DNAH1: variants seen among roughly 807,000 people sequenced by gnomAD.
The protein encoded by DNAH1 is dynein axonemal heavy chain 1, also known as axonemal beta dynein heavy chain 1.
DNAH1 carries 327 observed loss-of-function variants against 484.3 expected under a neutral mutation model. The ratio of observed to expected loss-of-function variants is 0.68; its 90% CI spans 0.62 to 0.74. The LOEUF (loss-of-function observed/expected upper bound fraction) is 0.74, where lower values mean the gene tolerates loss of function less well. Ranked by LOEUF, DNAH1 falls within the 30% of genes least tolerant of loss-of-function variation. The pLI is 0.00. For missense variants in DNAH1, 5,052 were observed against 5,546.8 expected, an observed-to-expected ratio of 0.91 and a Z score of 2.83; for synonymous variants, 2,192 against 2,191.9, an observed-to-expected ratio of 1.00 and a Z score of 0.00.
intron 8 of DNAH1, among the ~76,000 whole-genome samples, chr3:52,334,088 A>G (rs1331097536): frequency 2.0e-5 from 3 of 152,172 alleles, no homozygotes; most frequent in Non-Finnish European, 4.4e-5. Flanking sequence ...TCATTGTGCA[A>G]ACATCATAGT....
At chr3:52,350,469 T>C (rs753406839) in intron 15 of DNAH1, 39 bp from the exon 16 acceptor site, 16 of 1,597,242 alleles carry the variant, frequency 1.0e-5, no homozygotes, top group Non-Finnish European at 1.2e-5. Flanking sequence ...ACCACCTCCC[T>C]GGCACACGTG....
At position 52,396,920 on chromosome 3, in the gene DNAH1, A is replaced by G. The variant is rs373339638; in HGVS notation, c.11663A>G (p.Asp3888Gly). The G allele has an allele frequency of 6.2e-7, 1 of 1,604,786 alleles. No homozygotes were observed. Among genetic ancestry groups the G allele is most frequent in the South Asian group, 1.1e-5 (1 of 90,882 alleles). The change falls in exon 73 of 78, where the codon GAC becomes GGC. Residue 3888 changes from aspartate to glycine, a missense_variant. Coordinates refer to ENST00000420323, the MANE Select transcript of DNAH1 (RefSeq NM_015512.5). ...AATTACGGGGGCCGTGTCACTGATGACTGGGACCGGCGCTGCATCATGAAC... is the reference window on the plus strand; with the variant it reads ...AATTACGGGGGCCGTGTCACTGATGGCTGGGACCGGCGCTGCATCATGAAC... ...EINYGGRVTDDWDRRCIMNIL... is the reference protein window; with the variant it reads ...EINYGGRVTDGWDRRCIMNIL...
At position 52,326,750 on chromosome 3, in the gene DNAH1, C is replaced by T. The variant is rs1369016979; in HGVS notation, c.597C>T (p.Tyr199=). The stretch of plus-strand genomic sequence containing the variant: ...CCTTGACCAGGAGGAAACAGCAGTA[C>T]CTGAGCCTGGACATTGAGCAGTTGC... ...KIEIERRKQQ[Y]LSLDIEQLLF... Residue 199 remains tyrosine, a synonymous_variant, in exon 5 of 78, where the codon TAC becomes TAT. Coordinates refer to ENST00000420323, the MANE Select transcript of DNAH1 (RefSeq NM_015512.5). The T allele has an allele frequency of 6.2e-7, 1 of 1,613,396 alleles. No individual in the cohort carries two copies. The highest frequency in any genetic ancestry group is 8.5e-7 in the Non-Finnish European group (1 of 1,179,520).
At position 52,388,645 on chromosome 3, in the gene DNAH1, C is replaced by G. The variant is rs998008156; in HGVS notation, c.9363+36C>G. ...TCCTCCTGCAAGGCCTGCAAGCGGG[C>G]CCGGCCCAGACAGGGGCCAGAAAGG... On this transcript the variant is annotated intron_variant, in intron 58 of 77. Coordinates refer to ENST00000420323, the MANE Select transcript of DNAH1 (RefSeq NM_015512.5). The G allele has an allele frequency of 1.9e-6, 3 of 1,611,362 alleles. No homozygotes were observed. In the African/African-American group the frequency reaches 4.0e-5, roughly 22 times the overall value.
At chr3:52,399,507 T>C (rs752637938) in intron 76 of DNAH1, 38 bp from the exon 77 acceptor site, 2 of 1,535,048 alleles carry the variant, frequency 1.3e-6, no homozygotes, top group Non-Finnish European at 1.8e-6. Context: ...ATTCTGGGTA[T>C]TGTTATGTGT....
chr3:52,322,354 T>G, intron 1 of DNAH1, 55 bp from the exon 2 acceptor site: 2 of 1,283,944 alleles, frequency 1.6e-6, no homozygotes, highest in Non-Finnish European at 2.1e-6. Flanking sequence ...TCCATGTGTC[T>G]CGGGGCTAAG....
Position 52,399,536 on chromosome 3 carries a change from T to A in DNAH1, c.12442-9T>A. On this transcript the variant is annotated splice_polypyrimidine_tract_variant and intron_variant, in intron 76 of 77. Coordinates refer to ENST00000420323, the MANE Select transcript of DNAH1 (RefSeq NM_015512.5). ...TATGTGTGTGGGGTGTGTCTGTGTC[T>A]ACCCACAGGTGATGTTTGAGGCACC... 1 of 1,598,860 alleles carries A rather than the reference T, an allele frequency of 6.3e-7. No homozygotes were observed. Among genetic ancestry groups the A allele is most frequent in the Non-Finnish European group, 8.6e-7 (1 of 1,169,346 alleles).
In DNAH1 at chr3:52,362,529, A is replaced by C; in HGVS notation, c.5094+28A>C. ...AAGTGCAGGCCCAGAGTGGCCCAGG[A>C]AGCACCAGAGCTCTAGCCTGAGTTC... is the stretch of plus-strand genomic sequence containing the variant. On this transcript the variant is annotated intron_variant, in intron 31 of 77. Transcript: ENST00000420323. The surrounding 1 kb of genome is among the most constrained non-coding windows in gnomAD (Gnocchi z 5.1). 2 of 1,593,742 alleles carry C rather than the reference A, an allele frequency of 1.3e-6. No individual in the cohort carries two copies. Among genetic ancestry groups the C allele is most frequent in the Non-Finnish European group, 1.7e-6 (2 of 1,166,386 alleles).
chr3:52,395,489 G>C lies in DNAH1; in HGVS notation c.11127+23G>C, dbSNP rs1189839896. ...CAGGTCAGGGCTAGGCAGGGAGGAA[G>C]GGAGTGGGCTGGGGGGTGGGCAAGC... On this transcript the variant is annotated intron_variant, in intron 69 of 77. Transcript: ENST00000420323. The surrounding 1 kb of genome is among the most constrained non-coding windows in gnomAD (Gnocchi z 4.4). 1 of 1,613,726 alleles carries C rather than the reference G, an allele frequency of 6.2e-7. No homozygotes were observed. The highest frequency in any genetic ancestry group is 8.5e-7 in the Non-Finnish European group (1 of 1,179,814).
intron 64 of DNAH1, 31 bp from the exon 65 acceptor site, chr3:52,392,799 T>TGGGGGG: frequency 7.8e-7 from 1 of 1,274,376 alleles, no homozygotes; most frequent in Non-Finnish European, 1.1e-6. Flanking sequence ...TTCTGCTCTT[T>TGGGGGG]GACCCCTCCC....
intron 73 of DNAH1, 126 bp from the exon 74 acceptor site, chr3:52,397,581 T>G: frequency 1.1e-6 from 1 of 887,976 alleles, no homozygotes; most frequent in Non-Finnish European, 1.7e-6. Context: ...GGGACATGCA[T>G]AAGGGTTATG....
At position 52,383,615 on chromosome 3, in the gene DNAH1, G is replaced by C. The variant is rs373926760; in HGVS notation, c.8150+21G>C. Reference sequence around the variant, plus strand: ...ATGAGGTACAGGCAGCTGTCGCCAGGCTGCGCTGGGGCAGCGGAGCTGGGT... The same window carrying C: ...ATGAGGTACAGGCAGCTGTCGCCAGCCTGCGCTGGGGCAGCGGAGCTGGGT... On this transcript the variant is annotated intron_variant, in intron 51 of 77. Coordinates refer to ENST00000420323, the MANE Select transcript of DNAH1 (RefSeq NM_015512.5). The C allele has an allele frequency of 5.8e-6, 9 of 1,544,872 alleles. No homozygotes were observed. In the South Asian group the frequency reaches 1.1e-4, roughly 18 times the overall value.
chr3:52,355,047 C>G lies in DNAH1; in HGVS notation c.3685C>G (p.Leu1229Val), dbSNP rs767978013. ...CAACTCCTGGGAGAACAAACTGAAG[C>G]TGACCCAGGTCGGCCCTCCCCCCAG... is the stretch of plus-strand genomic sequence containing the variant. ...RINSWENKLK[L>V]TQEVLEEWLN... The change falls in exon 21 of 78, where the codon CTG becomes GTG. Residue 1229 changes from leucine to valine, a missense_variant. Around this residue, in one of 4 missense-constraint regions of DNAH1, gnomAD observed 2,929 missense variants for 3,409.4 expected, o/e 0.86. Coordinates refer to ENST00000420323, the MANE Select transcript of DNAH1 (RefSeq NM_015512.5). The surrounding 1 kb of genome is among the most constrained non-coding windows in gnomAD (Gnocchi z 4.5). The G allele has an allele frequency of 6.2e-7, 1 of 1,613,532 alleles. No homozygotes were observed. Among genetic ancestry groups the G allele is most frequent in the South Asian group, 1.1e-5 (1 of 91,080 alleles).
intron 48 of DNAH1, among the ~76,000 whole-genome samples, chr3:52,380,715 A>C (rs1341484498): frequency 6.6e-6 from 1 of 152,176 alleles, no homozygotes; most frequent in African/African-American, 2.4e-5. Context: ...GGAACAGGGT[A>C]TGCTGTGGCA....
chr3:52,351,916 C>T (rs1440463210), intron 16 of DNAH1, 46 bp from the exon 17 acceptor site: 7 of 1,577,884 alleles, frequency 4.4e-6, no homozygotes, highest in East Asian at 2.3e-5. Context: ...CACTCCACCA[C>T]TTCAGCCGCG....
At chr3:52,383,716 T>C (rs890885210) in intron 51 of DNAH1, 122 bp downstream of exon 51, 10 of 1,401,888 alleles carry the variant, frequency 7.1e-6, no homozygotes, top group Non-Finnish European at 9.5e-6. Flanking sequence ...GCCCTGGGCC[T>C]GGCCATCATG....
In DNAH1 at chr3:52,398,909, A is replaced by G. The variant is rs1704766973; in HGVS notation, c.12149A>G (p.Lys4050Arg). Reference protein sequence around the residue: ...QTLQDLLKALKGLVVMSSQLE... With the variant: ...QTLQDLLKALRGLVVMSSQLE... ...CTGCAAGACCTACTCAAGGCACTCAAGGGGCTGGTAGTGATGTCCTCTCAG... is the reference window on the plus strand; with the variant it reads ...CTGCAAGACCTACTCAAGGCACTCAGGGGGCTGGTAGTGATGTCCTCTCAG... The change falls in exon 76 of 78, where the codon AAG becomes AGG. Residue 4050 changes from lysine (K) to arginine (R), a missense_variant. Around this residue, in one of 4 missense-constraint regions of DNAH1, gnomAD observed 853 missense variants for 899.0 expected, o/e 0.95. Transcript: ENST00000420323. 1.2e-6 allele frequency: 2 copies of G among 1,607,108 alleles called. No homozygotes were observed. Among genetic ancestry groups the G allele is most frequent in the African/African-American group, 1.3e-5 (1 of 74,770 alleles).
rs748501791 is a variant in DNAH1 at position 52,370,221 on chromosome 3, C to T, written c.6250C>T (p.Pro2084Ser). 4 of 1,613,682 alleles carry T rather than the reference C, an allele frequency of 2.5e-6. No homozygotes were observed. In the African/African-American group the frequency reaches 4.0e-5, roughly 16 times the overall value. The change falls in exon 39 of 78, where the codon CCT becomes TCT. Residue 2084 changes from proline to serine, a missense_variant. Physicochemically the swap from Pro to Ser is moderately conservative, Grantham distance 74. Transcript: ENST00000420323. ...LLDCFFKPFL[P>S]REGLKKIPSE... ...GGACTGCTTCTTCAAGCCCTTTCTG[C>T]CTAGAGAGGTACAGCCCTGAGAGTG...
intron 8 of DNAH1, among the ~76,000 whole-genome samples, chr3:52,342,548 T>G (rs1468374784): frequency 6.6e-6 from 1 of 152,154 alleles, no homozygotes; most frequent in African/African-American, 2.4e-5. Context: ...GCTAATGGAC[T>G]AAATGCAAGC....
Sources: allele counts gnomAD v4.1 joint callset (sites outside exome capture counted in the v4.1 genomes callset), GRCh38; gene constraint gnomAD v4.1.1; regional missense constraint gnomAD v4.1.1; non-coding constraint Gnocchi (gnomAD v3.1); transcripts MANE v1.5; gene names NCBI Gene and HGNC (gene_info 2026-07-23, HGNC 2026-07-21).